The following LY6H variants were observed in gnomAD, a reference collection of about 807,000 sequenced individuals.
LY6H encodes lymphocyte antigen 6 family member H.
A neutral mutation model predicts 14.6 loss-of-function variants in LY6H; 8 were observed. The ratio of observed to expected loss-of-function variants is 0.55; its 90% CI spans 0.32 to 0.99. LY6H has a LOEUF of 0.99. Ranked by LOEUF, LY6H falls within the 50% of genes least tolerant of loss-of-function variation. LY6H has a pLI of 0.04. For missense variants in LY6H, 196 were observed against 219.6 expected (o/e 0.89, Z 0.68); for synonymous variants, 115 against 97.2 (o/e 1.18, Z -1.08).
Position 143,159,607 on chromosome 8 carries a change from C to A in LY6H, c.105G>T (p.Leu35=). 1 of 1,496,974 alleles carries A rather than the reference C, an allele frequency of 6.7e-7. No individual in the cohort carries two copies. The highest frequency in any genetic ancestry group is 8.8e-7 in the Non-Finnish European group (1 of 1,131,054). 92.7% of individuals were successfully genotyped at this position (1,496,974 alleles called of 1,614,324 possible). The change falls in exon 2 of 4, where the codon CTG becomes CTT. Residue 35 remains leucine (L), a synonymous_variant. Transcript: ENST00000342752. ...CGGGCGCCGAGCACAGCAGGACGGC[C>A]AGCAGCGCCAGGCCGAGGCCCTTCA... ...AAMKGLGLAL[L]AVLLCSAPAH...
chr8:143,158,976 C>A, intron 2 of LY6H, 54 bp from the exon 3 acceptor site: 1 of 1,584,538 alleles, frequency 6.3e-7, no homozygotes. Flanking sequence ...CCAAACCAGG[C>A]AGCCCCCTGC....
chr8:143,159,810 G>A, intron 1 of LY6H, 101 bp from the exon 2 acceptor site: 3 of 1,255,684 alleles, frequency 2.4e-6, no homozygotes, highest in Non-Finnish European at 1.0e-6. Context: ...GGGTCCGCCC[G>A]GAGCTCGCAG....
Position 143,160,199 on chromosome 8 carries a change from T to TC in LY6H, c.-1dup. On this transcript the variant is annotated splice_region_variant and 5_prime_UTR_variant, in exon 1 of 4. Transcript: ENST00000342752. ...CTCGGGGTCGGGGGGCTCACTCACA[T>TC]CCCGGGGGTGTCCGCACTCCGGGCT... 1 of 1,284,908 alleles carries TC rather than the reference T, an allele frequency of 7.8e-7. No individual in the cohort carries two copies. Among genetic ancestry groups the TC allele is most frequent in the Non-Finnish European group, 9.8e-7 (1 of 1,015,620 alleles). The allele number at this position is 1,284,908 out of a possible 1,614,324, so 79.6% of individuals were successfully genotyped here.
At chr8:143,160,062 G>GT in intron 1 of LY6H, 136 bp downstream of exon 1, 1 of 903,518 alleles carries the variant, frequency 1.1e-6, no homozygotes, top group Non-Finnish European at 1.5e-6. Flanking sequence ...CGCGTGCCAG[G>GT]TCCCCACCCC....
At chr8:143,158,710 C>G in intron 3 of LY6H, 93 bp downstream of exon 3, 1 of 1,485,792 alleles carries the variant, frequency 6.7e-7, no homozygotes, top group Admixed American at 2.1e-5. Flanking sequence ...CTCTCACTCT[C>G]GTCCCAGGCC....
Position 143,158,441 on chromosome 8 carries a change from C to T in LY6H, c.295G>A (p.Asp99Asn), listed in dbSNP as rs1012666521. The T allele has an allele frequency of 1.2e-6, 2 of 1,614,002 alleles. No individual in the cohort carries two copies. The highest frequency in any genetic ancestry group is 1.1e-5 in the South Asian group (1 of 91,088). ...GAGAAAAAGTGTCGCTTAACGAAGT[C>T]ACAGGAGGAGGCACACATCTTGTTC... Reference protein sequence around the residue: ...SVNKMCASSCDFVKRHFFSDY... With the variant: ...SVNKMCASSCNFVKRHFFSDY... The change falls in exon 4 of 4, where the codon GAC (aspartate) becomes AAC (asparagine). Residue 99 changes from aspartate (D) to asparagine (N), a missense_variant. Transcript: ENST00000342752.
chr8:143,160,504 C>G (rs539980430), upstream of LY6H: 2 of 151,570 alleles, frequency 1.3e-5, no homozygotes, highest in Admixed American at 1.3e-4. Context: ...CTCCCTCCCT[C>G]GCGGCGCCCC....
Position 143,159,630 on chromosome 8 carries a change from T to C in LY6H, c.82A>G (p.Lys28Glu). ...PTRSMLPAAM[K>E]GLGLALLAVL... is the part of the protein sequence containing the mutation. ...GCCAGCAGCGCCAGGCCGAGGCCCT[T>C]CATGGCTGCAGGCAGCATGCTCCGG... The change falls in exon 2 of 4, where the codon AAG becomes GAG. Residue 28 changes from lysine to glutamate, a missense_variant. Lys to Glu is a moderately conservative substitution (Grantham distance 56, BLOSUM62 1). Coordinates refer to ENST00000342752, the MANE Select transcript of LY6H (RefSeq NM_001135655.2). The C allele has an allele frequency of 2.0e-6, 3 of 1,477,100 alleles. No individual in the cohort carries two copies. The highest frequency in any genetic ancestry group is 2.7e-6 in the Non-Finnish European group (3 of 1,122,992). 91.5% of individuals were successfully genotyped at this position (1,477,100 alleles called of 1,614,324 possible). A position where few individuals can be genotyped will look rare whatever the true frequency, so the allele number is the denominator to read the frequency against.
Position 143,159,608 on chromosome 8 carries a change from A to G in LY6H, c.104T>C (p.Leu35Pro). 1 of 1,496,890 alleles carries G rather than the reference A, an allele frequency of 6.7e-7. No individual in the cohort carries two copies. The highest frequency in any genetic ancestry group is 8.8e-7 in the Non-Finnish European group (1 of 1,131,006). 92.7% of individuals were successfully genotyped at this position (1,496,890 alleles called of 1,614,324 possible). ...AAMKGLGLAL[L>P]AVLLCSAPAH... ...GGGCGCCGAGCACAGCAGGACGGCC[A>G]GCAGCGCCAGGCCGAGGCCCTTCAT... is the stretch of plus-strand genomic sequence containing the variant. The change falls in exon 2 of 4, where the codon CTG (leucine) becomes CCG (proline). Residue 35 changes from leucine to proline, a missense_variant. Physicochemically the swap from Leu to Pro is moderately conservative, Grantham distance 98. Coordinates refer to ENST00000342752, the MANE Select transcript of LY6H (RefSeq NM_001135655.2).
At chr8:143,158,572 G>A in intron 3 of LY6H, 87 bp from the exon 4 acceptor site, 1 of 1,313,292 alleles carries the variant, frequency 7.6e-7, no homozygotes. Context: ...GCCCCTCCGG[G>A]TCAGCTCGGG....
chr8:143,158,187 G>A lies in LY6H; in HGVS notation c.*63C>T, dbSNP rs1815494199. The A allele has an allele frequency of 2.4e-6, 3 of 1,250,952 alleles. No individual in the cohort carries two copies. The highest frequency in any genetic ancestry group is 3.3e-6 in the Non-Finnish European group (3 of 895,548). The allele number at this position is 1,250,952 out of a possible 1,614,324, so 77.5% of individuals were successfully genotyped here. A position where few individuals can be genotyped will look rare whatever the true frequency, so the allele number is the denominator to read the frequency against. ...CCCCCAGCCCCAGCCACGCCAGGCT[G>A]GGGAGAGGGCAGCCACAGGCTCAGG... On this transcript the variant is annotated 3_prime_UTR_variant, in exon 4 of 4. Transcript: ENST00000342752.
rs143685498 is a variant in LY6H, at chr8:143,159,048, C to G, written c.131-126G>C. ...GAGAGCCCGACCCCACGGGAGGGAG[C>G]AGGCCCCCATGACCCCTGGAGGGGG... On this transcript the variant is annotated intron_variant, in intron 2 of 3. Transcript: ENST00000342752. 2,069 of 1,347,020 alleles carry G rather than the reference C, an allele frequency of 1.5e-3. 10 individuals are homozygous for G. The highest frequency in any genetic ancestry group is 5.8e-3 in the Middle Eastern group (24 of 4,142). The allele number at this position is 1,347,020 out of a possible 1,614,324, so 83.4% of individuals were successfully genotyped here.
At position 143,158,330 on chromosome 8, in the gene LY6H, C is replaced by G. The variant is rs1379584106; in HGVS notation, c.406G>C (p.Gly136Arg). The G allele has an allele frequency of 6.2e-7, 1 of 1,613,908 alleles. No homozygotes were observed. The highest frequency in any genetic ancestry group is 1.3e-5 in the African/African-American group (1 of 75,054). ...CEKDLCNGAAGAGHSPWALAG... is the reference protein window; with the variant it reads ...CEKDLCNGAARAGHSPWALAG... ...AGGGCCCAGGGGCTGTGCCCTGCCC[C>G]TGCCGCCCCATTGCACAAATCCTTC... is the stretch of plus-strand genomic sequence containing the variant. Residue 136 changes from glycine (G) to arginine (R), a missense_variant, in exon 4 of 4, where the codon GGG becomes CGG. Transcript: ENST00000342752.
At chr8:143,159,825 C>A in intron 1 of LY6H, 116 bp from the exon 2 acceptor site, 1 of 1,205,456 alleles carries the variant, frequency 8.3e-7, no homozygotes. Flanking sequence ...TCGCAGAGCC[C>A]CACCCCCAGC....
At chr8:143,158,946 G>A (rs886441474) in intron 2 of LY6H, 24 bp from the exon 3 acceptor site, 15 of 1,611,346 alleles carry the variant, frequency 9.3e-6, no homozygotes, top group Admixed American at 5.0e-5. Flanking sequence ...GGGGAGGAGG[G>A]TGACCAGAGG....
chr8:143,159,480 T>C (rs1815539501), intron 2 of LY6H, 102 bp downstream of exon 2: 2 of 1,327,108 alleles, frequency 1.5e-6, no homozygotes, highest in Non-Finnish European at 2.0e-6. Context: ...CTATGCGAAG[T>C]GCGGTGGGAA....
At chr8:143,159,403 C>T in intron 2 of LY6H, 179 bp downstream of exon 2, 1 of 677,808 alleles carries the variant, frequency 1.5e-6, no homozygotes, top group Admixed American at 3.7e-5. Context: ...TGGAGAGAGC[C>T]CAGTGCCGGG....
rs1301415135 is a variant in LY6H, at chr8:143,160,295, C to G, written c.-96G>C. The G allele has an allele frequency of 9.3e-7, 1 of 1,075,556 alleles. No individual in the cohort carries two copies. The highest frequency in any genetic ancestry group is 4.4e-5 in the South Asian group (1 of 22,584). The allele number at this position is 1,075,556 out of a possible 1,614,324, so 66.6% of individuals were successfully genotyped here. A position where few individuals can be genotyped will look rare whatever the true frequency, so the allele number is the denominator to read the frequency against. ...GCGGACCGGAATCCGGGCGCAGCCTCGTCTTTCGGGGAACGCAGCCGCAGA... is the reference window on the plus strand; with the variant it reads ...GCGGACCGGAATCCGGGCGCAGCCTGGTCTTTCGGGGAACGCAGCCGCAGA... On this transcript the variant is annotated 5_prime_UTR_variant, in exon 1 of 4. Coordinates refer to ENST00000342752, the MANE Select transcript of LY6H (RefSeq NM_001135655.2).
chr8:143,158,988 C>A (rs1022813734), intron 2 of LY6H, 66 bp from the exon 3 acceptor site: 1 of 1,564,458 alleles, frequency 6.4e-7, no homozygotes, highest in East Asian at 2.3e-5. Flanking sequence ...GCCCCCTGCG[C>A]CCCCCACCCA....
Sources: allele counts gnomAD v4.1 joint callset, GRCh38; gene constraint gnomAD v4.1.1; transcripts MANE v1.5; gene names NCBI Gene and HGNC (gene_info 2026-07-23, HGNC 2026-07-21).